ADAM9: variants seen among roughly 807,000 people sequenced by gnomAD.
ADAM9 encodes the protein ADAM metallopeptidase domain 9.
In ADAM9, 54 loss-of-function variants were observed where a neutral mutation model predicts 108.1. The observed-to-expected ratio is 0.50, with a 90% CI of 0.40 to 0.63. ADAM9 has a LOEUF of 0.63. Among genes scored for constraint, ADAM9 ranks in the 20% least tolerant of loss-of-function variants. The probability of loss-of-function intolerance (pLI) is 0.00; values close to 1 mark genes in which losing one functional copy is unlikely to be tolerated. For missense variants in ADAM9, 830 were observed against 997.7 expected (o/e 0.83, Z 2.26); for synonymous variants, 316 against 336.0 (o/e 0.94, Z 0.65).
rs1193563657 is a variant in ADAM9 at position 39,007,881 on chromosome 8, T to A, written c.98-5T>A. 1 of 1,601,484 alleles carries A rather than the reference T, an allele frequency of 6.2e-7. No individual in the cohort carries two copies. Among genetic ancestry groups the A allele is most frequent in the East Asian group, 2.2e-5 (1 of 44,736 alleles). ...TTATTATATTTGTTTTTGCCTTTTC[T>A]GTAGGCTTTCAACAGACCTCACATC... On this transcript the variant is annotated splice_region_variant and splice_polypyrimidine_tract_variant and intron_variant, in intron 1 of 21. Transcript: ENST00000487273.
chr8:39,018,121 A>G (rs984011510), intron 6 of ADAM9, among the ~76,000 whole-genome samples: 2 of 152,170 alleles, frequency 1.3e-5, no homozygotes, highest in Non-Finnish European at 2.9e-5. Context: ...TTAGACTGAA[A>G]TGGTTCTAGG....
At chr8:39,098,412 T>C (rs183163302) in intron 20 of ADAM9, among the ~76,000 whole-genome samples, 2 of 152,370 alleles carry the variant, frequency 1.3e-5, no homozygotes, top group Admixed American at 6.5e-5. Context: ...TTAGACTTTT[T>C]ACTATCTCTG....
At chr8:39,095,753 A>G (rs923296376) in intron 20 of ADAM9, among the ~76,000 whole-genome samples, 2 of 152,160 alleles carry the variant, frequency 1.3e-5, no homozygotes, top group African/African-American at 4.8e-5. Flanking sequence ...GTTGCTATTT[A>G]GCTCTCTCTC....
At chr8:39,100,859 G>A (rs549739480) in intron 20 of ADAM9, among the ~76,000 whole-genome samples, 51 of 152,152 alleles carry the variant, frequency 3.4e-4, no homozygotes, top group Admixed American at 5.9e-4. Flanking sequence ...CATTCCTAAC[G>A]TCTTATAGTG....
intron 16 of ADAM9, among the ~76,000 whole-genome samples, chr8:39,080,500 C>T (rs1043164028): frequency 3.3e-5 from 5 of 152,090 alleles, no homozygotes; most frequent in South Asian, 2.1e-4. Context: ...ACTGACATGC[C>T]GTTGAGACCA....
At chr8:39,097,220 G>A (rs1242629648) in intron 20 of ADAM9, among the ~76,000 whole-genome samples, 2 of 151,762 alleles carry the variant, frequency 1.3e-5, no homozygotes, top group Non-Finnish European at 2.9e-5. Context: ...CCTCTGTGAG[G>A]TTTTTTTCTG....
rs1294592036 is a variant in ADAM9 at position 39,083,040 on chromosome 8, G to A, written c.2035G>A (p.Gly679Arg). The A allele has an allele frequency of 1.9e-6, 3 of 1,613,862 alleles. No homozygotes were observed. Among genetic ancestry groups the A allele is most frequent in the Non-Finnish European group, 2.5e-6 (3 of 1,179,806 alleles). Residue 679 changes from glycine (G) to arginine (R), a missense_variant, in exon 18 of 22, where the codon GGA (glycine) becomes AGA (arginine). Gly to Arg is a moderately radical substitution (Grantham distance 125, BLOSUM62 -2). Around this residue, in one of 3 missense-constraint regions of ADAM9, gnomAD observed 238 missense variants for 235.7 expected, o/e 1.01. Transcript: ENST00000487273. ...CCCAAATTGTGAGACTAAAGGATACGGAGGAAGTGTGGACAGTGGACCTAC... is the reference window on the plus strand; with the variant it reads ...CCCAAATTGTGAGACTAAAGGATACAGAGGAAGTGTGGACAGTGGACCTAC... Reference protein sequence around the residue: ...APPNCETKGYGGSVDSGPTYN... With the variant: ...APPNCETKGYRGSVDSGPTYN...
intron 14 of ADAM9, among the ~76,000 whole-genome samples, chr8:39,062,322 T>C (rs1459848434): frequency 6.6e-6 from 1 of 152,214 alleles, no homozygotes; most frequent in Non-Finnish European, 1.5e-5. Flanking sequence ...AGTTGAGAGT[T>C]TCTGTTTCTG....
At chr8:39,001,379 C>T (rs960513011) in intron 1 of ADAM9, among the ~76,000 whole-genome samples, 1 of 152,152 alleles carries the variant, frequency 6.6e-6, no homozygotes, top group East Asian at 1.9e-4. Flanking sequence ...GTTATTTATT[C>T]AACACATATT....
At chr8:39,029,672 C>T (rs947300722) in intron 11 of ADAM9, among the ~76,000 whole-genome samples, 3 of 152,158 alleles carry the variant, frequency 2.0e-5, no homozygotes, top group African/African-American at 7.2e-5. Context: ...ATTCTGTTAA[C>T]GTGGTGTTAA....
At chr8:39,085,362 A>G (rs1839152357) in intron 18 of ADAM9, among the ~76,000 whole-genome samples, 1 of 152,162 alleles carries the variant, frequency 6.6e-6, no homozygotes, top group Admixed American at 6.5e-5. Context: ...TGAACAGTTG[A>G]TTATCTTTCA....
At chr8:39,013,717 G>T (rs112177358) in intron 3 of ADAM9, among the ~76,000 whole-genome samples, 1 of 152,050 alleles carries the variant, frequency 6.6e-6, no homozygotes, top group African/African-American at 2.4e-5. Context: ...GCTTAGGCTG[G>T]TCTCAAACTC....
intron 12 of ADAM9, among the ~76,000 whole-genome samples, chr8:39,051,286 C>T (rs145887164): frequency 8.5e-4 from 130 of 152,188 alleles, no homozygotes; most frequent in African/African-American, 3.0e-3. Flanking sequence ...TCTTATATGA[C>T]GCGTCATGAG....
intron 18 of ADAM9, among the ~76,000 whole-genome samples, chr8:39,085,004 C>T (rs1236028168): frequency 1.3e-5 from 2 of 152,116 alleles, no homozygotes; most frequent in Non-Finnish European, 2.9e-5. Context: ...AATATAGCTA[C>T]TCCAGATTCC....
chr8:39,046,775 A>AT lies in ADAM9; in HGVS notation c.1302+4671dup, dbSNP rs113093288. 3.3e-3 allele frequency among the ~76,000 whole-genome samples: 489 copies of AT among 146,530 alleles called. 2 individuals are homozygous for AT. Among genetic ancestry groups the AT allele is most frequent in the Middle Eastern group, 0.018 (5 of 278 alleles). ...TATATCTCATTATTTAATTAATTAA[A>AT]TTTTTTTTTTTTTGAGACAGGGTCT... On this transcript the variant is annotated intron_variant, in intron 12 of 21. Coordinates refer to ENST00000487273, the MANE Select transcript of ADAM9 (RefSeq NM_003816.3).
At chr8:39,053,092 A>G (rs1838009441) in intron 12 of ADAM9, among the ~76,000 whole-genome samples, 1 of 152,128 alleles carries the variant, frequency 6.6e-6, no homozygotes, top group Admixed American at 6.6e-5. Flanking sequence ...CTAATGATGC[A>G]TTGAGCATGT....
intron 20 of ADAM9, among the ~76,000 whole-genome samples, chr8:39,099,056 T>G (rs1035566444): frequency 6.6e-6 from 1 of 152,154 alleles, no homozygotes; most frequent in African/African-American, 2.4e-5. Flanking sequence ...GGAGACTATT[T>G]TTTTAGTTCC....
intron 18 of ADAM9, among the ~76,000 whole-genome samples, chr8:39,087,881 C>G (rs1405931296): frequency 6.6e-6 from 1 of 152,146 alleles, no homozygotes; most frequent in Non-Finnish European, 1.5e-5. Flanking sequence ...CAAAACTTAA[C>G]TACGAATAGT....
intron 1 of ADAM9, 104 bp downstream of exon 1, chr8:38,997,264 T>A: frequency 7.4e-7 from 1 of 1,356,008 alleles, no homozygotes; most frequent in Non-Finnish European, 1.0e-6. Flanking sequence ...GGCCTGGGGA[T>A]CGGACCCGGG....
Sources: gnomAD v4.1 joint callset for allele counts (sites outside exome capture counted in the v4.1 genomes callset) on GRCh38, gnomAD v4.1.1 for gene constraint, gnomAD v4.1.1 regional missense constraint, MANE v1.5 for transcripts, NCBI Gene and HGNC (gene_info 2026-07-23, HGNC 2026-07-21) for gene names.